Variants in C6orf141 observed in about 807,000 individuals in gnomAD.
The protein encoded by C6orf141 is chromosome 6 open reading frame 141, also known as uncharacterized protein C6orf141.
For synonymous variants in C6orf141, 164 were observed against 140.5 expected, an observed-to-expected ratio of 1.17 and a Z score of -1.18; for missense variants, 361 against 335.8, an observed-to-expected ratio of 1.07 and a Z score of -0.59.
chr6:49,551,005 C>G lies in C6orf141; in HGVS notation c.213C>G (p.Leu71=), dbSNP rs1217811450. 6.4e-7 allele frequency: 1 copy of G among 1,550,996 alleles called. No individual in the cohort carries two copies. The highest frequency in any genetic ancestry group is 8.7e-7 in the Non-Finnish European group (1 of 1,146,880). The change falls in exon 1 of 1, where the codon CTC becomes CTG. Residue 71 remains leucine (L), a synonymous_variant. Transcript: ENST00000529246. ...AGGACAGAACGGCAGATCGGGCCCT[C>G]GGACCTCGGGCCGGGGAGGAATTGG... is the stretch of plus-strand genomic sequence containing the variant. ...GHEDRTADRA[L]GPRAGEELDR... is the part of the protein sequence containing the mutation.
downstream of C6orf141, among the ~76,000 whole-genome samples, chr6:49,555,482 G>C (rs6912690): frequency 0.041 from 6,167 of 149,996 alleles, 213 homozygotes; most frequent in African/African-American, 0.092. Context: ...GTTTTATAGA[G>C]ACAGCACCTT....
downstream of C6orf141, among the ~76,000 whole-genome samples, chr6:49,555,758 T>A (rs201359084): frequency 1.6e-4 from 25 of 152,180 alleles, no homozygotes; most frequent in East Asian, 2.5e-3. Context: ...TCTGTCCACC[T>A]CAGCCTCCCA....
At chr6:49,553,785 T>G (rs199669229), downstream of C6orf141, among the ~76,000 whole-genome samples, 1 of 1,514 alleles carries the variant, frequency 6.6e-4, no homozygotes, top group Non-Finnish European at 0.017. Flanking sequence ...CATAGAGGGT[T>G]TTTTTTTTTT....
intron 4 of C6orf141, among the ~76,000 whole-genome samples, chr6:49,559,616 C>T (rs1441535425): frequency 6.6e-6 from 1 of 151,998 alleles, no homozygotes; most frequent in East Asian, 1.9e-4. Flanking sequence ...GTTAAATTTG[C>T]TTTGTGTGAC....
chr6:49,557,358 A>G (rs901014500), intron 4 of C6orf141, among the ~76,000 whole-genome samples: 6 of 152,176 alleles, frequency 3.9e-5, no homozygotes, highest in Admixed American at 3.3e-4. Flanking sequence ...AGAGCTTGCT[A>G]TAATAAGAGA....
downstream of C6orf141, among the ~76,000 whole-genome samples, chr6:49,555,485 A>G (rs1771685889): frequency 6.7e-6 from 1 of 149,380 alleles, no homozygotes; most frequent in Non-Finnish European, 1.5e-5. Flanking sequence ...TTATAGAGAC[A>G]GCACCTTGCT....
intron 4 of C6orf141, among the ~76,000 whole-genome samples, chr6:49,558,111 C>T (rs1256273737): frequency 7.6e-6 from 1 of 130,872 alleles, no homozygotes; most frequent in Non-Finnish European, 1.5e-5. Context: ...GGCATGTTGG[C>T]CAGGCTGGTC....
intron 4 of C6orf141, among the ~76,000 whole-genome samples, chr6:49,561,526 G>T (rs1043512542): frequency 4.6e-5 from 7 of 152,210 alleles, no homozygotes; most frequent in Non-Finnish European, 1.0e-4. Flanking sequence ...CTGAGGAAGA[G>T]AACTTGAGTT....
In C6orf141 at chr6:49,550,760, G is replaced by T. The variant is rs892837855; in HGVS notation, c.-33G>T. On this transcript the variant is annotated 5_prime_UTR_variant, in exon 1 of 1. Coordinates refer to ENST00000529246, the MANE Select transcript of C6orf141 (RefSeq NM_001145652.2). ...CCGCGCTTTCCGGAGCTCAGCAGGC[G>T]CTTGCTGCTTGAACCGGTCAAAGAA... The T allele has an allele frequency of 1.3e-5, 19 of 1,433,302 alleles. No individual in the cohort carries two copies. Among genetic ancestry groups the T allele is most frequent in the South Asian group, 6.3e-5 (4 of 63,648 alleles). 88.8% of individuals were successfully genotyped at this position (1,433,302 alleles called of 1,614,324 possible).
In C6orf141 at chr6:49,551,052, A is replaced by G. The variant is rs1770357454; in HGVS notation, c.260A>G (p.Glu87Gly). ...EELDRESWVR[E>G]KVLFLLHPER... The stretch of plus-strand genomic sequence containing the variant: ...TTGGACCGTGAGTCCTGGGTCAGAG[A>G]GAAAGTGCTCTTTCTCCTGCACCCA... The change falls in exon 1 of 1, where the codon GAG (glutamate) becomes GGG (glycine). Residue 87 changes from glutamate to glycine, a missense_variant. Physicochemically the swap from Glu to Gly is moderately conservative, Grantham distance 98. Coordinates refer to ENST00000529246, the MANE Select transcript of C6orf141 (RefSeq NM_001145652.2). 6.4e-7 allele frequency: 1 copy of G among 1,551,450 alleles called. No individual in the cohort carries two copies. Among genetic ancestry groups the G allele is most frequent in the East Asian group, 2.4e-5 (1 of 40,866 alleles).
downstream of C6orf141, among the ~76,000 whole-genome samples, chr6:49,555,633 C>T (rs1236999329): frequency 5.9e-5 from 9 of 152,050 alleles, no homozygotes; most frequent in Non-Finnish European, 1.0e-4. Context: ...CTCAGCCTCC[C>T]GAGCAGCCGG....
Position 49,551,524 on chromosome 6 carries a change from C to CATT in C6orf141, c.732_733insATT. On this transcript the variant is annotated inframe_insertion, in exon 1 of 1. Transcript: ENST00000529246. ...GGACTTGGCTCGAGGAAATTAAACT[C>CATT]TAATGAGTAGCTCGAGAAATGTTCC... 6.5e-7 allele frequency: 1 copy of CATT among 1,550,216 alleles called. No individual in the cohort carries two copies. Among genetic ancestry groups the CATT allele is most frequent in the Non-Finnish European group, 8.7e-7 (1 of 1,146,834 alleles).
downstream of C6orf141, among the ~76,000 whole-genome samples, chr6:49,555,652 G>C (rs547447655): frequency 1.6e-4 from 24 of 152,192 alleles, no homozygotes; most frequent in African/African-American, 5.3e-4. Context: ...GGGACTACAG[G>C]CGCTCGCCAT....
At chr6:49,554,038 G>C (rs746561125), downstream of C6orf141, among the ~76,000 whole-genome samples, 48 of 152,108 alleles carry the variant, frequency 3.2e-4, no homozygotes, top group Non-Finnish European at 5.6e-4. Context: ...CTTATTTCTA[G>C]CTTTTCCTAA....
intron 4 of C6orf141, among the ~76,000 whole-genome samples, chr6:49,559,860 G>A (rs1007608453): frequency 4.6e-5 from 7 of 152,148 alleles, no homozygotes; most frequent in African/African-American, 1.7e-4. Flanking sequence ...TCTCTAACTG[G>A]TGTCCCTGTG....
chr6:49,555,855 C>T (rs543569343), downstream of C6orf141, among the ~76,000 whole-genome samples: 2 of 152,322 alleles, frequency 1.3e-5, no homozygotes, highest in Non-Finnish European at 2.9e-5. Flanking sequence ...ATCCTCCTGC[C>T]TTGGCCTCCC....
Position 49,550,671 on chromosome 6 carries a change from C to T in C6orf141, c.-122C>T. 3.3e-6 allele frequency: 3 copies of T among 903,206 alleles called. No individual in the cohort carries two copies. The highest frequency in any genetic ancestry group is 3.2e-6 in the Non-Finnish European group (2 of 621,976). 55.9% of individuals were successfully genotyped at this position (903,206 alleles called of 1,614,324 possible). A position where few individuals can be genotyped will look rare whatever the true frequency, so the allele number is the denominator to read the frequency against. Reference sequence around the variant, plus strand: ...GCGGTTAGCCTGGGGCTGATCTAGTCTTCAGCTTTCACCGGCTGGGAGTCC... The same window carrying T: ...GCGGTTAGCCTGGGGCTGATCTAGTTTTCAGCTTTCACCGGCTGGGAGTCC... On this transcript the variant is annotated 5_prime_UTR_variant, in exon 1 of 1. Coordinates refer to ENST00000529246, the MANE Select transcript of C6orf141 (RefSeq NM_001145652.2).
At chr6:49,553,246 T>A (rs1771052216), downstream of C6orf141, 1 of 152,216 alleles carries the variant, frequency 6.6e-6, no homozygotes, top group Non-Finnish European at 1.5e-5. Flanking sequence ...TTAGGTTTTC[T>A]AACTCATGTT....
In C6orf141 at chr6:49,551,015, G is replaced by A. The variant is rs763319886; in HGVS notation, c.223G>A (p.Ala75Thr). ...GGCAGATCGGGCCCTCGGACCTCGG[G>A]CCGGGGAGGAATTGGACCGTGAGTC... Reference protein sequence around the residue: ...RTADRALGPRAGEELDRESWV... With the variant: ...RTADRALGPRTGEELDRESWV... Residue 75 changes from alanine (A) to threonine (T), a missense_variant, in exon 1 of 1, where the codon GCC becomes ACC. By Grantham distance (58) the Ala-to-Thr change is moderately conservative. Transcript: ENST00000529246. 8 of 1,551,290 alleles carry A rather than the reference G, an allele frequency of 5.2e-6. No homozygotes were observed. The highest frequency in any genetic ancestry group is 7.0e-6 in the Non-Finnish European group (8 of 1,146,960).
Sources: allele counts gnomAD v4.1 joint callset (sites outside exome capture counted in the v4.1 genomes callset), GRCh38; gene constraint gnomAD v4.1.1; transcripts MANE v1.5; gene names NCBI Gene and HGNC (gene_info 2026-07-23, HGNC 2026-07-21).